The following JPH4 variants were observed in gnomAD, a reference collection of about 807,000 sequenced individuals.
The protein encoded by JPH4 is junctophilin 4, also known as junctophilin-4.
JPH4 carries 18 observed loss-of-function variants against 57.6 expected under a neutral mutation model. That is an observed-to-expected ratio of 0.31 (90% CI 0.22 to 0.46). The LOEUF is 0.46. JPH4 is among the 20% of genes least tolerant of loss of function. JPH4 has a pLI of 1.00. For missense variants in JPH4, 727 were observed against 911.1 expected (o/e 0.80, Z 2.60); for synonymous variants, 425 against 406.6 (o/e 1.05, Z -0.54).
rs1337185214 is a variant in JPH4, at chr14:23,571,496, C to T, written c.1271-36G>A. The T allele has an allele frequency of 1.3e-6, 2 of 1,585,080 alleles. No homozygotes were observed. Among genetic ancestry groups the T allele is most frequent in the Non-Finnish European group, 1.7e-6 (2 of 1,173,508 alleles). On this transcript the variant is annotated intron_variant, in intron 4 of 5. Transcript: ENST00000356300. This position sits in a 1 kb window ranked among gnomAD's most constrained non-coding sequence, Gnocchi z 4.6. The stretch of plus-strand genomic sequence containing the variant: ...ATAGCTGAGAATCAGAGGGGCCTAA[C>T]TGGCCTTGGGCTGGAGTGGCTGCAG...
Position 23,569,700 on chromosome 14 carries a change from C to T in JPH4, c.1821G>A (p.Leu607=). 1 of 1,551,128 alleles carries T rather than the reference C, an allele frequency of 6.4e-7. No homozygotes were observed. Among genetic ancestry groups the T allele is most frequent in the Non-Finnish European group, 8.7e-7 (1 of 1,147,062 alleles). ...RPAQPGAANP[L]VVGAVALLDL... is the part of the protein sequence containing the mutation. ...CCAGGAGGGCCACGGCTCCCACCAC[C>T]AGGGGGTTGGCAGCTCCCTAGAGAG... Residue 607 remains leucine, a synonymous_variant, in exon 6 of 6, where the codon CTG becomes CTA. Transcript: ENST00000356300. This position sits in a 1 kb window ranked among gnomAD's most constrained non-coding sequence, Gnocchi z 4.8.
rs1387659378 is a variant in JPH4 at position 23,576,839 on chromosome 14, G to T, written c.379+236C>A. On this transcript the variant is annotated intron_variant, in intron 2 of 5. Transcript: ENST00000356300. This position sits in a 1 kb window ranked among gnomAD's most constrained non-coding sequence, Gnocchi z 8.0. Reference sequence around the variant, plus strand: ...GGGACAGGCAGGTAGAGAGGGAGGTGTGAGGACAGGCAGACAGGGAAGGGG... The same window carrying T: ...GGGACAGGCAGGTAGAGAGGGAGGTTTGAGGACAGGCAGACAGGGAAGGGG... Among the ~76,000 whole-genome samples, 5 of 152,180 alleles carry T rather than the reference G, an allele frequency of 3.3e-5. No individual in the cohort carries two copies. Among genetic ancestry groups the T allele is most frequent in the African/African-American group, 1.2e-4 (5 of 41,448 alleles).
chr14:23,577,000 T>C lies in JPH4; in HGVS notation c.379+75A>G. ...AGAAGGATGGGCGCAAGGGCGCAAATGGCGGGCGAAGGCCCAAGGCTGGGG... is the reference window on the plus strand; with the variant it reads ...AGAAGGATGGGCGCAAGGGCGCAAACGGCGGGCGAAGGCCCAAGGCTGGGG... On this transcript the variant is annotated intron_variant, in intron 2 of 5. Transcript: ENST00000356300. This position sits in a 1 kb window ranked among gnomAD's most constrained non-coding sequence, Gnocchi z 8.0. 1 of 1,395,106 alleles carries C rather than the reference T, an allele frequency of 7.2e-7. No homozygotes were observed. Among genetic ancestry groups the C allele is most frequent in the African/African-American group, 1.5e-5 (1 of 66,168 alleles). 86.4% of individuals were successfully genotyped at this position (1,395,106 alleles called of 1,614,324 possible).
Position 23,577,345 on chromosome 14 carries a change from C to A in JPH4, c.109G>T (p.Gly37Cys), listed in dbSNP as rs1024086070. Residue 37 changes from glycine (G) to cysteine (C), a missense_variant, in exon 2 of 6, where the codon GGC becomes TGC. Transcript: ENST00000356300. The surrounding 1 kb of genome is among the most constrained non-coding windows in gnomAD (Gnocchi z 8.4). The part of the protein sequence containing the change: ...YGVCTGPGAQ[G>C]EYSGCWAHGF... ...TGTGCCCAGCAGCCGCTGTACTCGC[C>A]CTGGGCGCCGGGGCCCGTGCACACG... 28 of 1,525,030 alleles carry A rather than the reference C, an allele frequency of 1.8e-5. No homozygotes were observed. The highest frequency in any genetic ancestry group is 2.5e-5 in the Non-Finnish European group (28 of 1,138,842). The allele number at this position is 1,525,030 out of a possible 1,614,324, so 94.5% of individuals were successfully genotyped here. A position where few individuals can be genotyped will look rare whatever the true frequency, so the allele number is the denominator to read the frequency against.
intron 5 of JPH4, among the ~76,000 whole-genome samples, chr14:23,570,564 C>T (rs1165714443): frequency 2.0e-5 from 3 of 151,920 alleles, no homozygotes; most frequent in Admixed American, 6.6e-5. Context: ...TTAGTAGAGA[C>T]GGGGTTTCAC....
In JPH4 at chr14:23,575,874, G is replaced by C. The variant is rs776877744; in HGVS notation, c.962C>G (p.Thr321Ser). 1 of 1,578,222 alleles carries C rather than the reference G, an allele frequency of 6.3e-7. No individual in the cohort carries two copies. ...GNRRHGYGRTTRPDGSREEGK... is the reference protein window; with the variant it reads ...GNRRHGYGRTSRPDGSREEGK... ...CTCCTCGCGGGAGCCGTCGGGGCGG[G>C]TGGTGCGCCCGTAGCCGTGCCGCCG... is the stretch of plus-strand genomic sequence containing the variant. Residue 321 changes from threonine (T) to serine (S), a missense_variant, in exon 3 of 6, where the codon ACC (threonine) becomes AGC (serine). By Grantham distance (58) the Thr-to-Ser change is moderately conservative. Transcript: ENST00000356300. This position sits in a 1 kb window ranked among gnomAD's most constrained non-coding sequence, Gnocchi z 6.9.
chr14:23,576,447 T>C lies in JPH4; in HGVS notation c.389A>G (p.Gln130Arg). 1 of 1,431,852 alleles carries C rather than the reference T, an allele frequency of 7.0e-7. No individual in the cohort carries two copies. Among genetic ancestry groups the C allele is most frequent in the Non-Finnish European group, 9.1e-7 (1 of 1,100,812 alleles). The allele number at this position is 1,431,852 out of a possible 1,614,324, so 88.7% of individuals were successfully genotyped here. ...TETYSDGGTY[Q>R]GQWQAGKRHG... ...GCGCTTCCCGGCCTGCCACTGGCCC[T>C]GGTAGGTGCCTGCGGGCGGCGGAGG... is the stretch of plus-strand genomic sequence containing the variant. Residue 130 changes from glutamine (Q) to arginine (R), a missense_variant, in exon 3 of 6, where the codon CAG becomes CGG. Coordinates refer to ENST00000356300, the MANE Select transcript of JPH4 (RefSeq NM_001146028.2). This position sits in a 1 kb window ranked among gnomAD's most constrained non-coding sequence, Gnocchi z 8.0.
Position 23,576,885 on chromosome 14 carries a change from G to A in JPH4, c.379+190C>T, listed in dbSNP as rs1251191363. Among the ~76,000 whole-genome samples the A allele has an allele frequency of 6.6e-6, 1 of 151,958 alleles. No homozygotes were observed. The highest frequency in any genetic ancestry group is 1.5e-5 in the Non-Finnish European group (1 of 67,984). ...AGGGGTGAGGGAGAAGCGAGCAGGA[G>A]ACAGACAATTGAGGAAAGCATAATC... On this transcript the variant is annotated intron_variant, in intron 2 of 5. Coordinates refer to ENST00000356300, the MANE Select transcript of JPH4 (RefSeq NM_001146028.2). This position sits in a 1 kb window ranked among gnomAD's most constrained non-coding sequence, Gnocchi z 8.0.
Position 23,569,482 on chromosome 14 carries a change from C to T in JPH4, c.*152G>A, listed in dbSNP as rs1303291382. ...TGAAAGAAGACAGGGAAAGAAAAAG[C>T]GAGAGAAAAAAACAAAGGAGCACAG... is the stretch of plus-strand genomic sequence containing the variant. On this transcript the variant is annotated 3_prime_UTR_variant, in exon 6 of 6. Transcript: ENST00000356300. The surrounding 1 kb of genome is among the most constrained non-coding windows in gnomAD (Gnocchi z 4.8). 8 of 656,388 alleles carry T rather than the reference C, an allele frequency of 1.2e-5. No homozygotes were observed. Among genetic ancestry groups the T allele is most frequent in the South Asian group, 7.1e-5 (4 of 56,624 alleles). 40.7% of individuals were successfully genotyped at this position (656,388 alleles called of 1,614,324 possible). A position where few individuals can be genotyped will look rare whatever the true frequency, so the allele number is the denominator to read the frequency against.
chr14:23,569,807 A>C lies in JPH4; in HGVS notation c.1804-90T>G. On this transcript the variant is annotated intron_variant, in intron 5 of 5. Transcript: ENST00000356300. The surrounding 1 kb of genome is among the most constrained non-coding windows in gnomAD (Gnocchi z 4.8). ...TGAGGTGGCAGAGCTGAAGGGTCTC[A>C]GGCACCTCCCTGCACAGCCTGGAGC... 9 of 795,322 alleles carry C rather than the reference A, an allele frequency of 1.1e-5. No homozygotes were observed. The highest frequency in any genetic ancestry group is 1.4e-5 in the Non-Finnish European group (7 of 493,932). The allele number at this position is 795,322 out of a possible 1,614,324, so 49.3% of individuals were successfully genotyped here.
rs1371775470 is a variant in JPH4 at position 23,568,184 on chromosome 14, G to C, written c.*1450C>G. On this transcript the variant is annotated 3_prime_UTR_variant, in exon 6 of 6. Transcript: ENST00000356300. ...AAATCAGAAGTAAAGGTTGAGAGGG[G>C]AGGAAGGAGGGAGGCAAGCCAAGGA... 6 of 985,906 alleles carry C rather than the reference G, an allele frequency of 6.1e-6. No homozygotes were observed. Among genetic ancestry groups the C allele is most frequent in the Non-Finnish European group, 7.2e-6 (6 of 829,960 alleles). 61.1% of individuals were successfully genotyped at this position (985,906 alleles called of 1,614,324 possible). A position where few individuals can be genotyped will look rare whatever the true frequency, so the allele number is the denominator to read the frequency against.
In JPH4 at chr14:23,575,904, C is replaced by T; in HGVS notation, c.932G>A (p.Gly311Asp). The change falls in exon 3 of 6, where the codon GGC (glycine) becomes GAC (aspartate). Residue 311 changes from glycine to aspartate, a missense_variant. Gly to Asp is a moderately conservative substitution (Grantham distance 94, BLOSUM62 -1). Coordinates refer to ENST00000356300, the MANE Select transcript of JPH4 (RefSeq NM_001146028.2). The surrounding 1 kb of genome is among the most constrained non-coding windows in gnomAD (Gnocchi z 6.9). Reference protein sequence around the residue: ...NGLRYEGEWLGNRRHGYGRTT... With the variant: ...NGLRYEGEWLDNRRHGYGRTT... ...GCGCCCGTAGCCGTGCCGCCGGTTG[C>T]CCAGCCACTCGCCCTCGTAGCGCAG... The T allele has an allele frequency of 6.4e-7, 1 of 1,573,530 alleles. No homozygotes were observed. Among genetic ancestry groups the T allele is most frequent in the Non-Finnish European group, 8.6e-7 (1 of 1,164,856 alleles).
rs571799366 is a variant in JPH4 at position 23,571,231 on chromosome 14, C to T, written c.1500G>A (p.Gly500=). The part of the protein sequence containing the change: ...SSPKAWPEEW[G]GAGAQAEELA... ...GTTCCTCTGCCTGTGCGCCTGCCCC[C>T]CCCCACTCCTCAGGCCAAGCTTTGG... Residue 500 remains glycine (G), a synonymous_variant, in exon 5 of 6, where the codon GGG becomes GGA. Transcript: ENST00000356300. This position sits in a 1 kb window ranked among gnomAD's most constrained non-coding sequence, Gnocchi z 4.6. The T allele has an allele frequency of 1.2e-5, 20 of 1,611,974 alleles. No individual in the cohort carries two copies. Among genetic ancestry groups the T allele is most frequent in the Admixed American group, 1.7e-5 (1 of 59,880 alleles).
Position 23,571,928 on chromosome 14 carries a change from G to A in JPH4, c.1152-8C>T, listed in dbSNP as rs745644464. 1.2e-6 allele frequency: 2 copies of A among 1,608,910 alleles called. No homozygotes were observed. Among genetic ancestry groups the A allele is most frequent in the South Asian group, 2.2e-5 (2 of 91,058 alleles). The stretch of plus-strand genomic sequence containing the variant: ...AGGAGGGCGTCTGCTGCCCTGTCGG[G>A]TCCAGAGACAGGGATTTAGCAGAAC... On this transcript the variant is annotated splice_region_variant and splice_polypyrimidine_tract_variant and intron_variant, in intron 3 of 5. Transcript: ENST00000356300. The surrounding 1 kb of genome is among the most constrained non-coding windows in gnomAD (Gnocchi z 4.6).
intron 5 of JPH4, among the ~76,000 whole-genome samples, 187 bp downstream of exon 5, chr14:23,570,741 C>A (rs573679981): frequency 2.9e-4 from 44 of 152,272 alleles, no homozygotes; most frequent in African/African-American, 1.0e-3. Context: ...GTTGGGCTTG[C>A]AGGTGTGTAA....
chr14:23,570,638 T>C (rs1448731951), intron 5 of JPH4, among the ~76,000 whole-genome samples: 2 of 151,866 alleles, frequency 1.3e-5, no homozygotes, highest in Non-Finnish European at 2.9e-5. Flanking sequence ...CCTCCCAAAG[T>C]GTTGGGATTA....
In JPH4 at chr14:23,569,861, T is replaced by G; in HGVS notation, c.1804-144A>C. ...GGGATCGCCAACATTTGTTTTGGAT[T>G]GCAAAACCCCCTCTTCTCCCAGGCA... On this transcript the variant is annotated intron_variant, in intron 5 of 5. Coordinates refer to ENST00000356300, the MANE Select transcript of JPH4 (RefSeq NM_001146028.2). This position sits in a 1 kb window ranked among gnomAD's most constrained non-coding sequence, Gnocchi z 4.8. 1 of 608,096 alleles carries G rather than the reference T, an allele frequency of 1.6e-6. No homozygotes were observed. The highest frequency in any genetic ancestry group is 2.9e-6 in the Non-Finnish European group (1 of 340,050). The allele number at this position is 608,096 out of a possible 1,614,324, so 37.7% of individuals were successfully genotyped here. A position where few individuals can be genotyped will look rare whatever the true frequency, so the allele number is the denominator to read the frequency against.
chr14:23,571,577 C>A lies in JPH4; in HGVS notation c.1271-117G>T. Reference sequence around the variant, plus strand: ...TTTGGAATTCCCAGGCTCATAGCCTCTCACCGCCAGACCCCAAACCCCCCA... The same window carrying A: ...TTTGGAATTCCCAGGCTCATAGCCTATCACCGCCAGACCCCAAACCCCCCA... On this transcript the variant is annotated intron_variant, in intron 4 of 5. Coordinates refer to ENST00000356300, the MANE Select transcript of JPH4 (RefSeq NM_001146028.2). This position sits in a 1 kb window ranked among gnomAD's most constrained non-coding sequence, Gnocchi z 4.6. 1 of 1,305,094 alleles carries A rather than the reference C, an allele frequency of 7.7e-7. No homozygotes were observed. Among genetic ancestry groups the A allele is most frequent in the South Asian group, 1.4e-5 (1 of 72,538 alleles). The allele number at this position is 1,305,094 out of a possible 1,614,324, so 80.8% of individuals were successfully genotyped here.
rs1833522034 is a variant in JPH4 at position 23,568,218 on chromosome 14, G to T, written c.*1416C>A. The T allele has an allele frequency of 1.0e-6, 1 of 985,834 alleles. No individual in the cohort carries two copies. Among genetic ancestry groups the T allele is most frequent in the African/African-American group, 1.7e-5 (1 of 57,340 alleles). The allele number at this position is 985,834 out of a possible 1,614,324, so 61.1% of individuals were successfully genotyped here. A position where few individuals can be genotyped will look rare whatever the true frequency, so the allele number is the denominator to read the frequency against. On this transcript the variant is annotated 3_prime_UTR_variant, in exon 6 of 6. Coordinates refer to ENST00000356300, the MANE Select transcript of JPH4 (RefSeq NM_001146028.2). Reference sequence around the variant, plus strand: ...GGGAGGCAAGCCAAGGAATAAACAAGAGTTTGACTAGAAAAAAAGAAGAGG... The same window carrying T: ...GGGAGGCAAGCCAAGGAATAAACAATAGTTTGACTAGAAAAAAAGAAGAGG...
Sources: allele counts gnomAD v4.1 joint callset (sites outside exome capture counted in the v4.1 genomes callset), GRCh38; gene constraint gnomAD v4.1.1; non-coding constraint Gnocchi (gnomAD v3.1); transcripts MANE v1.5; gene names NCBI Gene and HGNC (gene_info 2026-07-23, HGNC 2026-07-21).